Variants in SMAD3 observed in about 807,000 individuals in gnomAD.
SMAD3 encodes SMAD family member 3, also known as MAD homolog 3.
A neutral mutation model predicts 51.8 loss-of-function variants in SMAD3; 12 were observed. The observed-to-expected ratio is 0.23, with a 90% CI of 0.15 to 0.38. The LOEUF (loss-of-function observed/expected upper bound fraction) is 0.38. SMAD3 is among the 10% of genes least tolerant of loss of function. The pLI, the probability that SMAD3 is intolerant of heterozygous loss-of-function variation, is 1.00. For missense variants in SMAD3, 294 were observed against 565.6 expected (o/e 0.52, Z 4.87); for synonymous variants, 238 against 227.7 (o/e 1.05, Z -0.41).
chr15:67,137,484 C>T (rs550145085), intron 1 of SMAD3, among the ~76,000 whole-genome samples: 2 of 152,312 alleles, frequency 1.3e-5, no homozygotes, highest in Admixed American at 1.3e-4. Flanking sequence ...CCATTCTTTC[C>T]ACCATTGTCC....
chr15:67,102,918 G>A (rs533567519), intron 1 of SMAD3, among the ~76,000 whole-genome samples: 4 of 152,088 alleles, frequency 2.6e-5, no homozygotes, highest in Admixed American at 6.5e-5. Flanking sequence ...TCCCCATTAC[G>A]TTTCCTGGGA....
rs945241221 is a variant in SMAD3 at position 67,191,204 on chromosome 15, A to G, written c.*668A>G. The G allele has an allele frequency of 1.3e-5, 3 of 233,684 alleles. No individual in the cohort carries two copies. The highest frequency in any genetic ancestry group is 2.5e-5 in the Non-Finnish European group (3 of 118,368). 14.5% of individuals were successfully genotyped at this position (233,684 alleles called of 1,614,324 possible). A position where few individuals can be genotyped will look rare whatever the true frequency, so the allele number is the denominator to read the frequency against. On this transcript the variant is annotated 3_prime_UTR_variant, in exon 9 of 9. Coordinates refer to ENST00000327367, the MANE Select transcript of SMAD3 (RefSeq NM_005902.4). ...GCACACAGGACAGCGGGAAAAATCGATGAGCGCCACCTCTTTAAAAACTCA... is the reference window on the plus strand; with the variant it reads ...GCACACAGGACAGCGGGAAAAATCGGTGAGCGCCACCTCTTTAAAAACTCA...
intron 1 of SMAD3, among the ~76,000 whole-genome samples, chr15:67,144,903 G>A (rs963643811): frequency 2.6e-5 from 4 of 152,144 alleles, no homozygotes; most frequent in Admixed American, 6.5e-5. Context: ...CCTGCTCAGA[G>A]GATTGCGTGA....
rs367630104 is a variant in SMAD3, at chr15:67,147,795, C to T, written c.207-17100C>T. On this transcript the variant is annotated intron_variant, in intron 1 of 8. Transcript: ENST00000327367. ...CCCTCACCTTTCTGGTTTAAAGCAA[C>T]CTCCTCTCTCAGGAAGTTGTTTGAA... 7.9e-5 allele frequency among the ~76,000 whole-genome samples: 12 copies of T among 152,144 alleles called. No individual in the cohort carries two copies. The East Asian group carries it at 1.7e-3, about 22-fold the overall frequency.
At chr15:67,075,583 A>G (rs1273182435) in intron 1 of SMAD3, among the ~76,000 whole-genome samples, 1 of 152,164 alleles carries the variant, frequency 6.6e-6, no homozygotes, top group Non-Finnish European at 1.5e-5. Context: ...CAGTTTCTGC[A>G]TCTGTAAAAT....
chr15:67,104,417 C>T (rs887168880), intron 1 of SMAD3, among the ~76,000 whole-genome samples: 1 of 152,352 alleles, frequency 6.6e-6, no homozygotes, highest in South Asian at 2.1e-4. Flanking sequence ...AGGGCCTGCC[C>T]TCAGGCTGTC....
At chr15:67,094,343 T>C (rs528954377) in intron 1 of SMAD3, among the ~76,000 whole-genome samples, 1 of 152,328 alleles carries the variant, frequency 6.6e-6, no homozygotes, top group Non-Finnish European at 1.5e-5. Context: ...TAGCTGATGC[T>C]CTGGGCCCCT....
Position 67,177,422 on chromosome 15 carries a change from G to GTTTTTTTTTTTTTTT in SMAD3, c.659-3806_659-3805insTTTTTTTTTTTTTTT, listed in dbSNP as rs68095915. ...AATGAGGGCATATTTAGTGTTTTGGGTTTTTTTTTTTTTGGTGTGTGGCAG... is the reference window on the plus strand; with the variant it reads ...AATGAGGGCATATTTAGTGTTTTGGGTTTTTTTTTTTTTTTTTTTTTTTTTTTTGGTGTGTGGCAG... On this transcript the variant is annotated intron_variant, in intron 5 of 8. Coordinates refer to ENST00000327367, the MANE Select transcript of SMAD3 (RefSeq NM_005902.4). 2.1e-3 allele frequency among the ~76,000 whole-genome samples: 196 copies of GTTTTTTTTTTTTTTT among 93,848 alleles called. 17 individuals carry two copies. The highest frequency in any genetic ancestry group is 3.9e-3 in the African/African-American group (100 of 25,440). 61.6% of individuals were successfully genotyped at this position (93,848 alleles called of 152,430 possible). A position where few individuals can be genotyped will look rare whatever the true frequency, so the allele number is the denominator to read the frequency against.
intron 1 of SMAD3, 47 bp downstream of exon 1, chr15:67,066,407 C>G (rs757881684): frequency 6.5e-7 from 1 of 1,531,862 alleles, no homozygotes; most frequent in Non-Finnish European, 9.0e-7. Flanking sequence ...GGCCCAGCCC[C>G]CTGGCACTGC....
chr15:67,166,013 TG>T, intron 3 of SMAD3: 1 of 199,528 alleles, frequency 5.0e-6, no homozygotes, highest in Non-Finnish European at 9.3e-6. Flanking sequence ...TTTTGCTTGC[TG>T]GGGCAGTAAT....
intron 1 of SMAD3, among the ~76,000 whole-genome samples, chr15:67,090,689 G>A (rs1056247058): frequency 6.6e-6 from 1 of 152,092 alleles, no homozygotes; most frequent in South Asian, 2.1e-4. Flanking sequence ...TTGGAAGGTA[G>A]ACTCACATTT....
chr15:67,156,268 C>T (rs1039938534), intron 1 of SMAD3, among the ~76,000 whole-genome samples: 22 of 152,042 alleles, frequency 1.4e-4, no homozygotes, highest in Non-Finnish European at 2.5e-4. Flanking sequence ...AAATGTATGC[C>T]GTAGGTTTGG....
intron 1 of SMAD3, among the ~76,000 whole-genome samples, chr15:67,093,093 C>T (rs1448384268): frequency 6.6e-6 from 1 of 152,170 alleles, no homozygotes; most frequent in Non-Finnish European, 1.5e-5. Context: ...TGGTGCTCAT[C>T]TAACCCTACA....
At chr15:67,138,169 TG>T (rs1961716106) in intron 1 of SMAD3, 3 of 1,214,490 alleles carry the variant, frequency 2.5e-6, no homozygotes, top group Non-Finnish European at 3.6e-6. Context: ...TCCACAGGGT[TG>T]CTGGCCAGAG....
chr15:67,187,316 G>A (rs760123686), intron 7 of SMAD3, 49 bp from the exon 8 acceptor site: 11 of 1,613,148 alleles, frequency 6.8e-6, no homozygotes, highest in African/African-American at 2.7e-5. Context: ...GGGGAGCAAC[G>A]GACCTGGCCA....
chr15:67,110,872 G>A (rs995827587), intron 1 of SMAD3, among the ~76,000 whole-genome samples: 26 of 152,310 alleles, frequency 1.7e-4, no homozygotes, highest in African/African-American at 5.1e-4. Context: ...CCAGATGTCC[G>A]TAATGTTAAC....
intron 1 of SMAD3, among the ~76,000 whole-genome samples, chr15:67,153,550 GCCCAGGGGGATCTCAA>G (rs1962204452): frequency 6.6e-6 from 1 of 152,132 alleles, no homozygotes; most frequent in Non-Finnish European, 1.5e-5. Flanking sequence ...CATTTCCTTA[GCCCAGGGGGATCTCAA>G]GGGGAGGGAA....
chr15:67,188,554 C>T (rs780013882), intron 8 of SMAD3, among the ~76,000 whole-genome samples: 1 of 152,212 alleles, frequency 6.6e-6, no homozygotes, highest in Non-Finnish European at 1.5e-5. Context: ...TCTTTCCACT[C>T]ACGGACCAAA....
intron 1 of SMAD3, among the ~76,000 whole-genome samples, chr15:67,137,608 T>C (rs1961698625): frequency 6.6e-6 from 1 of 152,242 alleles, no homozygotes; most frequent in African/African-American, 2.4e-5. Flanking sequence ...TGAAGTTTTT[T>C]CTATGAGGTT....
Sources: allele counts gnomAD v4.1 joint callset (sites outside exome capture counted in the v4.1 genomes callset), GRCh38; gene constraint gnomAD v4.1.1; transcripts MANE v1.5; gene names NCBI Gene and HGNC (gene_info 2026-07-23, HGNC 2026-07-21).